The following IKZF3 variants were observed in gnomAD, a reference collection of about 807,000 sequenced individuals.
The protein encoded by IKZF3 is zinc finger protein Aiolos.
Under a neutral mutation model 49.0 loss-of-function variants are expected in IKZF3, and 10 were observed. The observed-to-expected ratio is 0.20, with a 90% CI of 0.13 to 0.35. The LOEUF (loss-of-function observed/expected upper bound fraction) is 0.35. Among genes scored for constraint, IKZF3 ranks in the 10% least tolerant of loss-of-function variants. IKZF3 has a pLI of 1.00. For missense variants in IKZF3, 498 were observed against 664.8 expected (o/e 0.75, Z 2.76); for synonymous variants, 209 against 228.2 (o/e 0.92, Z 0.76).
rs1568073465 is a variant in IKZF3, at chr17:39,856,019, T to TTGTATATGTACAATATAACATGTATA, written c.7+8075_7+8100dup. Among the ~76,000 whole-genome samples the TTGTATATGTACAATATAACATGTATA allele has an allele frequency of 4.7e-5, 7 of 148,070 alleles. No individual in the cohort carries two copies. The East Asian group carries it at 1.4e-3, about 29-fold the overall frequency. The stretch of plus-strand genomic sequence containing the variant: ...GTATATGTACAATATAACATGTATA[T>TTGTATATGTACAATATAACATGTATA]TGTATATGTACAATATAACATGTAT... On this transcript the variant is annotated intron_variant, in intron 1 of 7. Transcript: ENST00000346872.
In IKZF3 at chr17:39,792,715, T is replaced by C. The variant is rs2061056342; in HGVS notation, c.382A>G (p.Ile128Val). The change falls in exon 4 of 8, where the codon ATC becomes GTC. Residue 128 changes from isoleucine to valine, a missense_variant. Ile to Val is a conservative substitution (Grantham distance 29, BLOSUM62 3). Transcript: ENST00000346872. ...MNCDVCGLSCISFNVLMVHKR... is the reference protein window; with the variant it reads ...MNCDVCGLSCVSFNVLMVHKR... ...TGAACCATTAAGACATTGAAGCTGA[T>C]GCAGGATAATCCACACACATCGCAG... 12 of 1,614,102 alleles carry C rather than the reference T, an allele frequency of 7.4e-6. No homozygotes were observed. The highest frequency in any genetic ancestry group is 1.3e-5 in the African/African-American group (1 of 74,952).
chr17:39,766,239 T>C lies in IKZF3; in HGVS notation c.1081A>G (p.Lys361Glu). The C allele has an allele frequency of 1.2e-6, 2 of 1,614,196 alleles. No homozygotes were observed. Among genetic ancestry groups the C allele is most frequent in the Non-Finnish European group, 1.7e-6 (2 of 1,180,036 alleles). ...TTCTCTGGAAGGTGGATGCTTTTCTTTTCCAGCTCTTGAGGGGCACCGTTT... is the reference window on the plus strand; with the variant it reads ...TTCTCTGGAAGGTGGATGCTTTTCTCTTCCAGCTCTTGAGGGGCACCGTTT... ...MSNGAPQELE[K>E]KSIHLPEKSV... The change falls in exon 8 of 8, where the codon AAG (lysine) becomes GAG (glutamate). Residue 361 changes from lysine (K) to glutamate (E), a missense_variant. By Grantham distance (56) the Lys-to-Glu change is moderately conservative (BLOSUM62 1). Around this residue, in one of 3 missense-constraint regions of IKZF3, gnomAD observed 317 missense variants for 397.3 expected, o/e 0.80. Coordinates refer to ENST00000346872, the MANE Select transcript of IKZF3 (RefSeq NM_012481.5).
chr17:39,863,350 T>C (rs2063267377), intron 1 of IKZF3, among the ~76,000 whole-genome samples: 1 of 152,142 alleles, frequency 6.6e-6, no homozygotes, highest in Non-Finnish European at 1.5e-5. Flanking sequence ...CAAAGTAACA[T>C]TTTAGTTAGG....
At chr17:39,785,384 T>G (rs756048647) in intron 6 of IKZF3, among the ~76,000 whole-genome samples, 2 of 152,184 alleles carry the variant, frequency 1.3e-5, no homozygotes, top group African/African-American at 2.4e-5. Context: ...AGTTAACCCT[T>G]TATCTTTTTT....
At chr17:39,802,090 C>G (rs370775261) in intron 3 of IKZF3, among the ~76,000 whole-genome samples, 9 of 151,386 alleles carry the variant, frequency 5.9e-5, no homozygotes, top group African/African-American at 2.2e-4. Flanking sequence ...GGCATGGTGA[C>G]GGGCACCTGT....
At chr17:39,827,333 G>T (rs1055701393) in intron 3 of IKZF3, among the ~76,000 whole-genome samples, 1 of 148,542 alleles carries the variant, frequency 6.7e-6, no homozygotes, top group African/African-American at 2.5e-5. Flanking sequence ...TCACTGTGTT[G>T]CCCAGGCTGG....
chr17:39,796,884 TC>T (rs1402759041), intron 3 of IKZF3, among the ~76,000 whole-genome samples: 1 of 147,676 alleles, frequency 6.8e-6, no homozygotes, highest in Non-Finnish European at 1.5e-5. Flanking sequence ...ACACAGGTGG[TC>T]CAGGAGCGGT....
At chr17:39,839,031 AT>A (rs1156546455) in intron 1 of IKZF3, among the ~76,000 whole-genome samples, 1 of 151,762 alleles carries the variant, frequency 6.6e-6, no homozygotes, top group Admixed American at 6.6e-5. Flanking sequence ...GAGTCTCACT[AT>A]GTTGCCCAGG....
Position 39,826,560 on chromosome 17 carries a change from T to C in IKZF3, c.163+2827A>G, listed in dbSNP as rs537501600. ...GCCATGTGGTAAGGCAAGAGTGCAATGGAAACTTGGCATATTAAAGGGACT... is the reference window on the plus strand; with the variant it reads ...GCCATGTGGTAAGGCAAGAGTGCAACGGAAACTTGGCATATTAAAGGGACT... On this transcript the variant is annotated intron_variant, in intron 3 of 7. Transcript: ENST00000346872. 2.6e-5 allele frequency among the ~76,000 whole-genome samples: 4 copies of C among 152,222 alleles called. No homozygotes were observed. In the East Asian group the frequency reaches 7.7e-4, roughly 29 times the overall value.
In IKZF3 at chr17:39,781,086, C is replaced by T. The variant is rs112616369; in HGVS notation, c.710-3319G>A. The stretch of plus-strand genomic sequence containing the variant: ...CTGGCTGACCAGCAGTTGTAAATAA[C>T]GGGCACTTCAGCCACAAGACACTGC... On this transcript the variant is annotated intron_variant, in intron 6 of 7. Coordinates refer to ENST00000346872, the MANE Select transcript of IKZF3 (RefSeq NM_012481.5). 6.2e-3 allele frequency among the ~76,000 whole-genome samples: 951 copies of T among 152,260 alleles called. 9 individuals are homozygous for T. The highest frequency in any genetic ancestry group is 0.021 in the African/African-American group (880 of 41,556).
intron 3 of IKZF3, among the ~76,000 whole-genome samples, chr17:39,816,199 CTAAT>C (rs940212686): frequency 2.0e-5 from 3 of 152,068 alleles, no homozygotes; most frequent in African/African-American, 7.2e-5. Context: ...TTATTTATGT[CTAAT>C]TAATTTATGT....
intron 2 of IKZF3, among the ~76,000 whole-genome samples, chr17:39,830,659 G>T (rs2062084379): frequency 6.6e-6 from 1 of 152,184 alleles, no homozygotes; most frequent in African/African-American, 2.4e-5. Context: ...CAGAAGAAAT[G>T]AACTGAAAAG....
intron 1 of IKZF3, among the ~76,000 whole-genome samples, chr17:39,837,776 C>G (rs1178518979): frequency 6.6e-6 from 1 of 151,662 alleles, no homozygotes; most frequent in Non-Finnish European, 1.5e-5. Context: ...GTAGCTGGGA[C>G]TACAGGCGCC....
At chr17:39,815,015 A>G (rs770598122) in intron 3 of IKZF3, among the ~76,000 whole-genome samples, 3 of 152,200 alleles carry the variant, frequency 2.0e-5, no homozygotes, top group Admixed American at 1.3e-4. Flanking sequence ...TTGTGTAAAT[A>G]GAGATAGTGG....
intron 1 of IKZF3, among the ~76,000 whole-genome samples, chr17:39,863,761 CTG>C (rs771740959): frequency 1.3e-5 from 2 of 151,698 alleles, no homozygotes; most frequent in African/African-American, 2.4e-5. Flanking sequence ...CCAATAAACA[CTG>C]AGGCCATGAA....
intron 6 of IKZF3, among the ~76,000 whole-genome samples, chr17:39,780,497 G>T (rs1296692414): frequency 6.6e-6 from 1 of 151,914 alleles, no homozygotes; most frequent in Non-Finnish European, 1.5e-5. Flanking sequence ...CAAAGTTGCT[G>T]GGACTACAGT....
intron 1 of IKZF3, among the ~76,000 whole-genome samples, chr17:39,837,445 CTTT>C (rs765376491): frequency 2.2e-5 from 3 of 137,494 alleles, no homozygotes; most frequent in Admixed American, 7.4e-5. Context: ...TTTCTTAAAA[CTTT>C]TTTTTTTTTT....
At position 39,813,958 on chromosome 17, in the gene IKZF3, C is replaced by A. The variant is rs1350916241; in HGVS notation, c.163+15429G>T. 7.2e-5 allele frequency among the ~76,000 whole-genome samples: 11 copies of A among 152,356 alleles called. No individual in the cohort carries two copies. In the East Asian group the frequency reaches 1.5e-3, roughly 21 times the overall value. On this transcript the variant is annotated intron_variant, in intron 3 of 7. Transcript: ENST00000346872. Reference sequence around the variant, plus strand: ...GCGAGGCTGACGCGGTCTCTCCCAGCTCGCTCCAGCCACCCTTCTTCACAC... The same window carrying A: ...GCGAGGCTGACGCGGTCTCTCCCAGATCGCTCCAGCCACCCTTCTTCACAC...
Position 39,760,132 on chromosome 17 carries a change from G to A in IKZF3, c.*5658C>T, listed in dbSNP as rs2060146292. 1 of 111,348 alleles carries A rather than the reference G, an allele frequency of 9.0e-6. No individual in the cohort carries two copies. The highest frequency in any genetic ancestry group is 1.9e-5 in the Non-Finnish European group (1 of 53,414). 6.9% of individuals were successfully genotyped at this position (111,348 alleles called of 1,614,324 possible). ...TTATCACCTGGGATTATATGTAACAGTACTATTTTTTTCCTTAAAACATTC... is the reference window on the plus strand; with the variant it reads ...TTATCACCTGGGATTATATGTAACAATACTATTTTTTTCCTTAAAACATTC... On this transcript the variant is annotated 3_prime_UTR_variant, in exon 8 of 8. Coordinates refer to ENST00000346872, the MANE Select transcript of IKZF3 (RefSeq NM_012481.5).
Sources: allele counts gnomAD v4.1 joint callset (sites outside exome capture counted in the v4.1 genomes callset), GRCh38; gene constraint gnomAD v4.1.1; regional missense constraint gnomAD v4.1.1; transcripts MANE v1.5; gene names NCBI Gene and HGNC (gene_info 2026-07-23, HGNC 2026-07-21).